The following PIBF1 variants were observed in gnomAD, a reference collection of about 807,000 sequenced individuals.
PIBF1 encodes progesterone-induced-blocking factor 1.
A neutral mutation model predicts 112.5 loss-of-function variants in PIBF1; 90 were observed. The ratio of observed to expected loss-of-function variants is 0.80; its 90% CI spans 0.67 to 0.95. The LOEUF is 0.95. Among genes scored for constraint, PIBF1 ranks in the 40% least tolerant of loss-of-function variants. The pLI is 0.00. For synonymous variants in PIBF1, 301 were observed against 288.6 expected (o/e 1.04, Z -0.44); for missense variants, 915 against 852.3 (o/e 1.07, Z -0.92).
At chr13:72,883,672 G>A (rs894277228) in intron 10 of PIBF1, among the ~76,000 whole-genome samples, 2 of 152,146 alleles carry the variant, frequency 1.3e-5, no homozygotes, top group Non-Finnish European at 2.9e-5. Context: ...ATTCTTAGTA[G>A]AGAGGGGCTT....
intron 4 of PIBF1, among the ~76,000 whole-genome samples, chr13:72,796,724 C>A (rs576376127): frequency 8.0e-5 from 12 of 150,586 alleles, no homozygotes; most frequent in Non-Finnish European, 1.6e-4. Context: ...AATTAAATAT[C>A]TCAAATTCTG....
chr13:72,991,442 T>C (rs188937771), intron 16 of PIBF1, among the ~76,000 whole-genome samples: 11 of 152,352 alleles, frequency 7.2e-5, no homozygotes, highest in African/African-American at 2.6e-4. Context: ...TCTTCATTTG[T>C]TAATGTTAAT....
chr13:72,884,879 A>C (rs2039782814), intron 10 of PIBF1, among the ~76,000 whole-genome samples: 1 of 152,166 alleles, frequency 6.6e-6, no homozygotes, highest in Admixed American at 6.5e-5. Flanking sequence ...TGAGAGAAAT[A>C]AGAGGTGGGG....
intron 14 of PIBF1, among the ~76,000 whole-genome samples, chr13:72,951,750 C>T (rs1261820269): frequency 6.6e-6 from 1 of 152,106 alleles, no homozygotes; most frequent in Non-Finnish European, 1.5e-5. Flanking sequence ...TATATTATCA[C>T]ACAGAGTAGT....
chr13:72,951,256 C>A, intron 14 of PIBF1, among the ~76,000 whole-genome samples: 1 of 151,916 alleles, frequency 6.6e-6, no homozygotes, highest in Non-Finnish European at 1.5e-5. Flanking sequence ...TTAATAATTG[C>A]CTTATTTTTT....
At chr13:72,827,707 T>A in intron 7 of PIBF1, 26 bp from the exon 8 acceptor site, 1 of 1,346,398 alleles carries the variant, frequency 7.4e-7, no homozygotes, top group South Asian at 1.7e-5. Context: ...TCACTGTGGA[T>A]ACTTTTTGTT....
chr13:72,959,644 T>C (rs1043396018), intron 14 of PIBF1, among the ~76,000 whole-genome samples: 1 of 152,224 alleles, frequency 6.6e-6, no homozygotes, highest in Non-Finnish European at 1.5e-5. Flanking sequence ...TGTAGTCACC[T>C]TTATATTAGT....
intron 1 of PIBF1, among the ~76,000 whole-genome samples, chr13:72,782,675 A>G (rs2034341311): frequency 6.6e-6 from 1 of 152,184 alleles, no homozygotes; most frequent in Non-Finnish European, 1.5e-5. Flanking sequence ...TAACATTCTT[A>G]TGAGAGAGTT....
rs138394418 is a variant in PIBF1, at chr13:72,803,467, G to A, written c.672+5441G>A. Among the ~76,000 whole-genome samples the A allele has an allele frequency of 2.1e-3, 317 of 152,178 alleles. 1 individual carries two copies. Among genetic ancestry groups the A allele is most frequent in the Non-Finnish European group, 3.8e-3 (255 of 67,982 alleles). On this transcript the variant is annotated intron_variant, in intron 5 of 17. Coordinates refer to ENST00000326291, the MANE Select transcript of PIBF1 (RefSeq NM_006346.4). ...CTATCCGTGTAATAAAAAGAGTCAT[G>A]TATATTTGGGGTATTGCCAATAGTA...
chr13:72,994,516 C>A (rs144709745), intron 16 of PIBF1, among the ~76,000 whole-genome samples: 1 of 152,142 alleles, frequency 6.6e-6, no homozygotes, highest in Non-Finnish European at 1.5e-5. Flanking sequence ...ATCACAGTTT[C>A]CTTTTCTGTA....
chr13:72,979,305 T>C (rs1054637428), intron 16 of PIBF1, among the ~76,000 whole-genome samples: 3 of 152,228 alleles, frequency 2.0e-5, no homozygotes, highest in Non-Finnish European at 2.9e-5. Flanking sequence ...ATCTTTGCCT[T>C]AACGAAACAA....
chr13:72,817,662 A>G (rs2036340532), intron 5 of PIBF1, among the ~76,000 whole-genome samples: 1 of 152,174 alleles, frequency 6.6e-6, no homozygotes, highest in Non-Finnish European at 1.5e-5. Flanking sequence ...GGTGTTGTGA[A>G]AAAATAGGAT....
At chr13:72,863,027 T>G (rs1047536942) in intron 10 of PIBF1, among the ~76,000 whole-genome samples, 3 of 152,196 alleles carry the variant, frequency 2.0e-5, no homozygotes, top group Non-Finnish European at 4.4e-5. Flanking sequence ...AAATAGTGTT[T>G]GTACATATAT....
At chr13:73,012,670 G>A (rs936035750) in intron 17 of PIBF1, among the ~76,000 whole-genome samples, 3 of 151,656 alleles carry the variant, frequency 2.0e-5, no homozygotes, top group African/African-American at 4.8e-5. Context: ...TGGGAGGATC[G>A]CTTGAGCCCA....
chr13:72,890,745 T>A (rs1566410720), intron 10 of PIBF1, among the ~76,000 whole-genome samples: 2 of 152,120 alleles, frequency 1.3e-5, no homozygotes, highest in Non-Finnish European at 2.9e-5. Flanking sequence ...CAAAGTAAAA[T>A]GTGATGGGTT....
intron 14 of PIBF1, among the ~76,000 whole-genome samples, chr13:72,932,294 G>GT (rs1566463850): frequency 6.6e-6 from 1 of 151,832 alleles, no homozygotes; most frequent in African/African-American, 2.4e-5. Context: ...ATAACAAAGG[G>GT]TTTTTTCAAG....
intron 13 of PIBF1, among the ~76,000 whole-genome samples, chr13:72,920,743 C>G (rs1268103061): frequency 1.3e-5 from 2 of 151,788 alleles, no homozygotes; most frequent in Non-Finnish European, 2.9e-5. Flanking sequence ...ACTATAATTG[C>G]ACCTGTGACT....
chr13:72,866,074 C>A (rs921085165), intron 10 of PIBF1, among the ~76,000 whole-genome samples: 4 of 152,124 alleles, frequency 2.6e-5, no homozygotes, highest in Admixed American at 6.5e-5. Context: ...TCCAGGCATT[C>A]CTTGGCTTCC....
intron 14 of PIBF1, among the ~76,000 whole-genome samples, chr13:72,949,524 C>T (rs2042242821): frequency 6.6e-6 from 1 of 151,950 alleles, no homozygotes; most frequent in African/African-American, 2.4e-5. Flanking sequence ...ACCCTGTTGG[C>T]CAGGCTGGTC....
Sources: allele counts gnomAD v4.1 joint callset (sites outside exome capture counted in the v4.1 genomes callset), GRCh38; gene constraint gnomAD v4.1.1; transcripts MANE v1.5; gene names NCBI Gene and HGNC (gene_info 2026-07-23, HGNC 2026-07-21).